The following UBE2D3 variants were observed in gnomAD, a reference collection of about 807,000 sequenced individuals.
UBE2D3 encodes ubiquitin conjugating enzyme E2 D3, also known as ubiquitin-conjugating enzyme E2 D3.
In UBE2D3, 2 loss-of-function variants were observed where a neutral mutation model predicts 22.8. The ratio of observed to expected loss-of-function variants is 0.09; its 90% CI spans 0.04 to 0.28. The LOEUF (loss-of-function observed/expected upper bound fraction) is 0.28. UBE2D3 is among the 10% of genes least tolerant of loss of function. The pLI, the probability that UBE2D3 is intolerant of heterozygous loss-of-function variation, is 1.00. For synonymous variants in UBE2D3, 56 were observed against 60.4 expected, an observed-to-expected ratio of 0.93 and a Z score of 0.34; for missense variants, 27 against 182.5, an observed-to-expected ratio of 0.15 and a Z score of 4.91.
chr4:102,838,364 T>C (rs1459513411), intron 1 of UBE2D3, among the ~76,000 whole-genome samples: 2 of 152,164 alleles, frequency 1.3e-5, no homozygotes, highest in African/African-American at 2.4e-5. Context: ...GTGATGTTCT[T>C]TGGAACATGA....
chr4:102,843,300 A>AT (rs113354125), intron 1 of UBE2D3: 2,379 of 145,234 alleles, frequency 0.016, 28 homozygotes, highest in Non-Finnish European at 0.025. Context: ...ATTTTGTTTC[A>AT]TTTTTTTTTT....
chr4:102,841,607 A>T (rs1399470102), intron 1 of UBE2D3, among the ~76,000 whole-genome samples: 2 of 152,138 alleles, frequency 1.3e-5, no homozygotes, highest in Admixed American at 6.6e-5. Flanking sequence ...ATTTTAAAAG[A>T]TTTTCATCAT....
At chr4:102,807,067 T>C (rs774219932) in intron 4 of UBE2D3, among the ~76,000 whole-genome samples, 18 of 152,166 alleles carry the variant, frequency 1.2e-4, no homozygotes, top group Non-Finnish European at 2.1e-4. Context: ...CAAAATTAGA[T>C]GGTATATTCC....
intron 1 of UBE2D3, among the ~76,000 whole-genome samples, chr4:102,866,042 G>A (rs989803161): frequency 6.6e-6 from 1 of 152,132 alleles, no homozygotes; most frequent in Non-Finnish European, 1.5e-5. Context: ...AAGAAGGCAG[G>A]GTTGTGGAAA....
chr4:102,850,423 A>G (rs775844352), intron 1 of UBE2D3, among the ~76,000 whole-genome samples: 2 of 152,146 alleles, frequency 1.3e-5, no homozygotes, highest in Non-Finnish European at 2.9e-5. Flanking sequence ...CTCTCCATCA[A>G]TTCAAATATT....
rs920281261 is a variant in UBE2D3, at chr4:102,827,142, C to G, written c.-129+285G>C. 39 of 986,884 alleles carry G rather than the reference C, an allele frequency of 4.0e-5. No individual in the cohort carries two copies. The African/African-American group carries it at 6.1e-4, about 15-fold the overall frequency. The allele number at this position is 986,884 out of a possible 1,614,324, so 61.1% of individuals were successfully genotyped here. On this transcript the variant is annotated intron_variant, in intron 1 of 7. Transcript: ENST00000453744. ...TATTCTGTGTCACCCCTGACGCCAC[C>G]GTACACTCACTCCGCCTTCCAGCGC...
At chr4:102,828,715 AACAAT>A (rs1181550135), upstream of UBE2D3, among the ~76,000 whole-genome samples, 2 of 152,188 alleles carry the variant, frequency 1.3e-5, no homozygotes, top group East Asian at 3.8e-4. Flanking sequence ...GAGTCAGAAA[AACAAT>A]ACAATACTTC....
chr4:102,821,128 T>A (rs1560867440), intron 2 of UBE2D3, among the ~76,000 whole-genome samples: 1 of 152,158 alleles, frequency 6.6e-6, no homozygotes, highest in Non-Finnish European at 1.5e-5. Flanking sequence ...CATTTTTAAT[T>A]ATGAAATAAC....
rs1481588683 is a variant in UBE2D3 at position 102,798,297 on chromosome 4, T to TATATATATATGC, written c.399-838_399-837insGCATATATATAT. Among the ~76,000 whole-genome samples, 37 of 146,720 alleles carry TATATATATATGC rather than the reference T, an allele frequency of 2.5e-4. 1 individual carries two copies. Among genetic ancestry groups the TATATATATATGC allele is most frequent in the African/African-American group, 8.7e-4 (34 of 39,084 alleles). ...AGAAATGAATATATATATATATATA[T>TATATATATATGC]GCACAGGAGAATTTTTATATTGTTT... On this transcript the variant is annotated intron_variant, in intron 7 of 7. Coordinates refer to ENST00000453744, the MANE Select transcript of UBE2D3 (RefSeq NM_181891.3).
chr4:102,826,628 C>A lies in UBE2D3; in HGVS notation c.-120G>T. The A allele has an allele frequency of 1.3e-6, 2 of 1,580,418 alleles. No individual in the cohort carries two copies. The highest frequency in any genetic ancestry group is 8.5e-7 in the Non-Finnish European group (1 of 1,171,334). On this transcript the variant is annotated 5_prime_UTR_variant, in exon 2 of 8. Transcript: ENST00000453744. The stretch of plus-strand genomic sequence containing the variant: ...CTCGTCTCACACCAGCTCTGCCAGA[C>A]ACAGGCGCCTTTTGCAAAAACGGAG...
chr4:102,831,544 A>G (rs1731116614), upstream of UBE2D3, among the ~76,000 whole-genome samples: 1 of 152,228 alleles, frequency 6.6e-6, no homozygotes, highest in African/African-American at 2.4e-5. Context: ...AAGATGTGAT[A>G]TATGTGTATA....
At chr4:102,840,637 A>G (rs1731699616) in intron 1 of UBE2D3, among the ~76,000 whole-genome samples, 1 of 152,178 alleles carries the variant, frequency 6.6e-6, no homozygotes, top group Non-Finnish European at 1.5e-5. Flanking sequence ...GATATGGAAC[A>G]AAGGAATGTT....
intron 1 of UBE2D3, among the ~76,000 whole-genome samples, chr4:102,867,813 A>AC (rs1198990377): frequency 1.1e-4 from 16 of 152,166 alleles, no homozygotes; most frequent in African/African-American, 3.9e-4. Flanking sequence ...AACAACAACA[A>AC]AATTAAAACC....
intron 2 of UBE2D3, among the ~76,000 whole-genome samples, chr4:102,823,562 C>T (rs960677838): frequency 6.6e-6 from 1 of 152,214 alleles, no homozygotes; most frequent in Admixed American, 6.5e-5. Flanking sequence ...GCTTGGTTCA[C>T]ATATTTATCT....
At chr4:102,843,289 G>C (rs888554603) in intron 1 of UBE2D3, 7 of 151,894 alleles carry the variant, frequency 4.6e-5, no homozygotes, top group African/African-American at 1.5e-4. Context: ...CCTTAGCCAT[G>C]ATTTTGTTTC....
intron 3 of UBE2D3, 44 bp from the exon 4 acceptor site, chr4:102,809,747 C>T (rs772339859): frequency 1.2e-5 from 19 of 1,612,930 alleles, no homozygotes; most frequent in Non-Finnish European, 1.6e-5. Flanking sequence ...AATGCACAAG[C>T]TTAAAAAAAA....
chr4:102,797,511 C>T, intron 7 of UBE2D3, 51 bp from the exon 8 acceptor site: 1 of 1,432,302 alleles, frequency 7.0e-7, no homozygotes, highest in Non-Finnish European at 9.7e-7. Flanking sequence ...ATTCCTAATA[C>T]TTTAAATGGA....
In UBE2D3 at chr4:102,826,480, G is replaced by A; in HGVS notation, c.24+5C>T. ...CCACCCCATGCCCTTGTCCCCGCGG[G>A]TTACCTTATTAATCCGTTTCAGCGC... On this transcript the variant is annotated splice_donor_5th_base_variant and intron_variant, in intron 2 of 7. Coordinates refer to ENST00000453744, the MANE Select transcript of UBE2D3 (RefSeq NM_181891.3). 2 of 1,613,374 alleles carry A rather than the reference G, an allele frequency of 1.2e-6. No homozygotes were observed. The highest frequency in any genetic ancestry group is 1.1e-5 in the South Asian group (1 of 91,048).
intron 1 of UBE2D3, among the ~76,000 whole-genome samples, chr4:102,849,382 AAAAG>A (rs1732226443): frequency 6.6e-6 from 1 of 151,248 alleles, no homozygotes; most frequent in South Asian, 2.1e-4. Flanking sequence ...AAAAAAAAAA[AAAAG>A]GAAATATACT....
Sources: gnomAD v4.1 joint callset for allele counts (sites outside exome capture counted in the v4.1 genomes callset) on GRCh38, gnomAD v4.1.1 for gene constraint, MANE v1.5 for transcripts, NCBI Gene and HGNC (gene_info 2026-07-23, HGNC 2026-07-21) for gene names.